HHIPL1: variants seen among roughly 807,000 people sequenced by gnomAD.
HHIPL1 encodes the protein HHIP like 1.
Under a neutral mutation model 61.8 loss-of-function variants are expected in HHIPL1, and 43 were observed. The ratio of observed to expected loss-of-function variants is 0.70; its 90% CI spans 0.55 to 0.90. The LOEUF (loss-of-function observed/expected upper bound fraction) is 0.90, where lower values mean the gene tolerates loss of function less well. HHIPL1 is among the 40% of genes least tolerant of loss of function. The pLI, the probability that HHIPL1 is intolerant of heterozygous loss-of-function variation, is 0.00. For missense variants in HHIPL1, 1,056 were observed against 1,157.7 expected (o/e 0.91, Z 1.28); for synonymous variants, 482 against 515.8 (o/e 0.93, Z 0.89).
chr14:99,619,247 G>A, the HHIPL1 span, among the ~76,000 whole-genome samples: 1 of 152,054 alleles, frequency 6.6e-6, no homozygotes, highest in Non-Finnish European at 1.5e-5. Flanking sequence ...CAGATCACGA[G>A]GTCAGGAGTT....
intron 6 of HHIPL1, among the ~76,000 whole-genome samples, chr14:99,663,668 T>C (rs1410693474): frequency 6.6e-6 from 1 of 152,184 alleles, no homozygotes; most frequent in Non-Finnish European, 1.5e-5. Flanking sequence ...AAGATGGAGT[T>C]GCTCTGGTTC....
chr14:99,638,364 C>T, the HHIPL1 span, among the ~76,000 whole-genome samples: 1 of 152,186 alleles, frequency 6.6e-6, no homozygotes, highest in Non-Finnish European at 1.5e-5. Flanking sequence ...GAAGAGGCTG[C>T]CCCGAGGCCT....
At chr14:99,661,135 G>A (rs990660590) in intron 5 of HHIPL1, among the ~76,000 whole-genome samples, 2 of 8,176 alleles carry the variant, frequency 2.4e-4, no homozygotes, top group Middle Eastern at 0.12. Context: ...ATGGAGCCTC[G>A]TGACCACCTT....
In HHIPL1 at chr14:99,668,918, G is replaced by A; in HGVS notation, c.1730+615G>A. 2 of 1,612,062 alleles carry A rather than the reference G, an allele frequency of 1.2e-6. No homozygotes were observed. The highest frequency in any genetic ancestry group is 8.5e-7 in the Non-Finnish European group (1 of 1,178,232). On this transcript the variant is annotated intron_variant, in intron 7 of 8. Transcript: ENST00000330710. This position sits in a 1 kb window ranked among gnomAD's most constrained non-coding sequence, Gnocchi z 4.7. ...ACGTCTCAGCCGTTCATTTTACAGT[G>A]GTGGAAATGAGCACAAAGACACGAA...
At chr14:99,651,502 G>T (rs1269905560) in intron 1 of HHIPL1, among the ~76,000 whole-genome samples, 2 of 152,106 alleles carry the variant, frequency 1.3e-5, no homozygotes, top group Non-Finnish European at 2.9e-5. Flanking sequence ...AATCTAATGA[G>T]AACTCACTCG....
At chr14:99,614,870 A>G in the HHIPL1 span, among the ~76,000 whole-genome samples, 3 of 152,192 alleles carry the variant, frequency 2.0e-5, no homozygotes, top group Admixed American at 2.0e-4. Context: ...AAATGAAAGG[A>G]AAGAAAGTAA....
the HHIPL1 span, among the ~76,000 whole-genome samples, chr14:99,622,379 C>G: frequency 1.3e-5 from 2 of 152,160 alleles, no homozygotes; most frequent in Non-Finnish European, 2.9e-5. Flanking sequence ...GTCGTGGCCT[C>G]CCCTCATTGC....
chr14:99,667,390 A>G (rs2056262792), intron 6 of HHIPL1, among the ~76,000 whole-genome samples: 1 of 151,864 alleles, frequency 6.6e-6, no homozygotes, highest in African/African-American at 2.4e-5. Flanking sequence ...TGCCCCTGGC[A>G]GCAGGGGTTG....
chr14:99,618,281 C>T, the HHIPL1 span, among the ~76,000 whole-genome samples: 3 of 152,192 alleles, frequency 2.0e-5, no homozygotes, highest in South Asian at 6.2e-4. Flanking sequence ...GTCCTGGAAG[C>T]CTATGGGAGA....
the HHIPL1 span, among the ~76,000 whole-genome samples, chr14:99,623,346 A>G: frequency 6.6e-6 from 1 of 152,246 alleles, no homozygotes; most frequent in Non-Finnish European, 1.5e-5. Flanking sequence ...GCATGAGATT[A>G]TGAAATGAAC....
rs1280296048 is a variant in HHIPL1 at position 99,672,381 on chromosome 14, C to T, written c.1795C>T (p.Pro599Ser). 3 of 1,551,164 alleles carry T rather than the reference C, an allele frequency of 1.9e-6. No individual in the cohort carries two copies. Among genetic ancestry groups the T allele is most frequent in the Non-Finnish European group, 2.6e-6 (3 of 1,146,896 alleles). Residue 599 changes from proline (P) to serine (S), a missense_variant, in exon 8 of 9, where the codon CCC (proline) becomes TCC (serine). By Grantham distance (74) the Pro-to-Ser change is moderately conservative (BLOSUM62 -1). Coordinates refer to ENST00000330710, the MANE Select transcript of HHIPL1 (RefSeq NM_001127258.3). ...AQVKIRSRLI[P>S]FVPKEKFIPK... Reference sequence around the variant, plus strand: ...GGTGAAGATCAGAAGCCGTCTCATCCCCTTTGTGCCCAAAGAAAGTAAGTG... The same window carrying T: ...GGTGAAGATCAGAAGCCGTCTCATCTCCTTTGTGCCCAAAGAAAGTAAGTG...
rs756968018 is a variant in HHIPL1, at chr14:99,668,303, G to T, written c.1730G>T (p.Arg577Met). The stretch of plus-strand genomic sequence containing the variant: ...GTCTACAAAATAATTGACGCATCCA[G>T]GTGAGTCCCAGCCTCCAGGACAGGG... ...GVVYKIIDAS[R>M]RAPPGKCQIQ... Residue 577 changes from arginine to methionine, a missense_variant and splice_region_variant, in exon 7 of 9, where the codon AGG becomes ATG. Physicochemically the swap from Arg to Met is moderately conservative, Grantham distance 91. Coordinates refer to ENST00000330710, the MANE Select transcript of HHIPL1 (RefSeq NM_001127258.3). This position sits in a 1 kb window ranked among gnomAD's most constrained non-coding sequence, Gnocchi z 4.7. 6 of 1,597,440 alleles carry T rather than the reference G, an allele frequency of 3.8e-6. No individual in the cohort carries two copies. The South Asian group carries it at 6.6e-5, about 18-fold the overall frequency.
the HHIPL1 span, among the ~76,000 whole-genome samples, chr14:99,636,057 G>A: frequency 6.6e-6 from 1 of 152,100 alleles, no homozygotes; most frequent in Non-Finnish European, 1.5e-5. Context: ...GAGCCACGGG[G>A]CACTGGGTTC....
chr14:99,646,812 G>A (rs77517967), intron 1 of HHIPL1, among the ~76,000 whole-genome samples: 82 of 65,454 alleles, frequency 1.3e-3, no homozygotes, highest in African/African-American at 3.0e-3. Flanking sequence ...GATATGATAT[G>A]ATATGATATG....
At chr14:99,643,504 G>A (rs1383237704), upstream of HHIPL1, among the ~76,000 whole-genome samples, 1 of 152,188 alleles carries the variant, frequency 6.6e-6, no homozygotes, top group African/African-American at 2.4e-5. Flanking sequence ...GTGGCTGTAG[G>A]AGCCCAAACC....
the HHIPL1 span, among the ~76,000 whole-genome samples, chr14:99,609,173 C>T: frequency 2.6e-5 from 4 of 152,184 alleles, no homozygotes; most frequent in Admixed American, 2.0e-4. Flanking sequence ...ACTGATAGAA[C>T]ACTGCATGTC....
chr14:99,606,965 CT>C, the HHIPL1 span, among the ~76,000 whole-genome samples: 1 of 150,532 alleles, frequency 6.6e-6, no homozygotes, highest in South Asian at 2.1e-4. Flanking sequence ...GCCATGCCCC[CT>C]GGAGTACTCA....
chr14:99,671,324 C>A (rs1477208342), intron 7 of HHIPL1, among the ~76,000 whole-genome samples: 3 of 152,200 alleles, frequency 2.0e-5, no homozygotes, highest in Non-Finnish European at 4.4e-5. Flanking sequence ...GGAACAAAAG[C>A]CCCACTGGGT....
At chr14:99,617,596 C>G in the HHIPL1 span, among the ~76,000 whole-genome samples, 2 of 152,062 alleles carry the variant, frequency 1.3e-5, no homozygotes, top group African/African-American at 2.4e-5. Flanking sequence ...TTGCTTTTAC[C>G]CTAAGAGCAT....
Sources: allele counts gnomAD v4.1 joint callset (sites outside exome capture counted in the v4.1 genomes callset), GRCh38; gene constraint gnomAD v4.1.1; non-coding constraint Gnocchi (gnomAD v3.1); transcripts MANE v1.5; gene names NCBI Gene and HGNC (gene_info 2026-07-23, HGNC 2026-07-21).